Variants in HAS3 observed in about 807,000 individuals in gnomAD.
HAS3 encodes HA synthase 3.
HAS3 carries 27 observed loss-of-function variants against 50.3 expected under a neutral mutation model. The ratio of observed to expected loss-of-function variants is 0.54; its 90% CI spans 0.40 to 0.74. The LOEUF is 0.74. Ranked by LOEUF, HAS3 falls within the 30% of genes least tolerant of loss-of-function variation. The pLI is 0.00. For synonymous variants in HAS3, 339 were observed against 310.9 expected, an observed-to-expected ratio of 1.09 and a Z score of -0.95; for missense variants, 517 against 742.8, an observed-to-expected ratio of 0.70 and a Z score of 3.53.
chr16:69,114,387 G>C lies in HAS3; in HGVS notation c.783G>C (p.Val261=). Residue 261 remains valine (V), a synonymous_variant, in exon 4 of 4, where the codon GTG becomes GTC. Coordinates refer to ENST00000569188, the MANE Select transcript of HAS3 (RefSeq NM_001199280.2). This position sits in a 1 kb window ranked among gnomAD's most constrained non-coding sequence, Gnocchi z 6.4. ...CATGGATTTCCTTCCTGAGCAGCGT[G>C]CGGTACTGGATGGCCTTCAACGTGG... The part of the protein sequence containing the change: ...YDSWISFLSS[V]RYWMAFNVER... 6.2e-7 allele frequency: 1 copy of C among 1,609,754 alleles called. No individual in the cohort carries two copies. Among genetic ancestry groups the C allele is most frequent in the Non-Finnish European group, 8.5e-7 (1 of 1,179,936 alleles).
downstream of HAS3, chr16:69,117,761 C>A (rs1597102944): frequency 2.4e-6 from 1 of 413,618 alleles, no homozygotes; most frequent in Non-Finnish European, 3.3e-6. Context: ...GACTCAAGAC[C>A]TGGGCAATAT....
the HAS3 span, among the ~76,000 whole-genome samples, chr16:69,096,613 ATTT>A: frequency 9.9e-6 from 1 of 101,306 alleles, no homozygotes; most frequent in Admixed American, 1.2e-4. Context: ...CCCAACACCA[ATTT>A]TTTTTTTTTT....
chr16:69,118,708 G>A (rs968435507), downstream of HAS3: 22 of 649,490 alleles, frequency 3.4e-5, no homozygotes, highest in South Asian at 1.8e-4. Flanking sequence ...CAAGAAAAAC[G>A]CAAAGGAAAA....
chr16:69,112,826 C>T (rs1961053549), intron 2 of HAS3, among the ~76,000 whole-genome samples: 1 of 152,214 alleles, frequency 6.6e-6, no homozygotes, highest in African/African-American at 2.4e-5. Flanking sequence ...GCTGCAGCTT[C>T]CATGCCTATT....
Position 69,109,119 on chromosome 16 carries a change from TTGTA to T in HAS3, c.1-273_1-270del, listed in dbSNP as rs1960907474. On this transcript the variant is annotated intron_variant, in intron 1 of 3. Transcript: ENST00000569188. This position sits in a 1 kb window ranked among gnomAD's most constrained non-coding sequence, Gnocchi z 5.3. ...CTACCCCAGTGCTACACTAAGGGCT[TTGTA>T]TGTGTCGCCCATTTAACCCTCAAAG... is the stretch of plus-strand genomic sequence containing the variant. 6.6e-6 allele frequency among the ~76,000 whole-genome samples: 1 copy of T among 152,208 alleles called. No individual in the cohort carries two copies. Among genetic ancestry groups the T allele is most frequent in the Non-Finnish European group, 1.5e-5 (1 of 68,028 alleles).
At chr16:69,096,999 A>G in the HAS3 span, among the ~76,000 whole-genome samples, 2 of 152,050 alleles carry the variant, frequency 1.3e-5, no homozygotes, top group Admixed American at 6.6e-5. Context: ...TCTACAAAAA[A>G]ATACAAAAAG....
the HAS3 span, among the ~76,000 whole-genome samples, chr16:69,096,926 G>A: frequency 6.6e-6 from 1 of 152,016 alleles, no homozygotes; most frequent in Non-Finnish European, 1.5e-5. Context: ...CTAATCTGAG[G>A]TGGGAAGATC....
upstream of HAS3, among the ~76,000 whole-genome samples, chr16:69,104,270 T>C (rs985543963): frequency 6.6e-6 from 1 of 150,930 alleles, no homozygotes; most frequent in Non-Finnish European, 1.5e-5. Flanking sequence ...TTTTTTTTTT[T>C]TTTCTTTTCT....
intron 1 of HAS3, among the ~76,000 whole-genome samples, 189 bp downstream of exon 1, chr16:69,105,976 G>T (rs1353042689): frequency 6.6e-6 from 1 of 152,214 alleles, no homozygotes; most frequent in African/African-American, 2.4e-5. Context: ...GGCCCCACTC[G>T]GGGGACCCAG....
In HAS3 at chr16:69,116,917, C is replaced by T; in HGVS notation, c.*1651C>T. On this transcript the variant is annotated 3_prime_UTR_variant, in exon 4 of 4. Transcript: ENST00000569188. ...GACAAGAGGGCAAGCCTCTAGTGTACCAAGTGCTTCCTACAAAGACGCAAG... is the reference window on the plus strand; with the variant it reads ...GACAAGAGGGCAAGCCTCTAGTGTATCAAGTGCTTCCTACAAAGACGCAAG... 2.0e-6 allele frequency: 2 copies of T among 985,424 alleles called. No individual in the cohort carries two copies. Among genetic ancestry groups the T allele is most frequent in the Non-Finnish European group, 2.4e-6 (2 of 829,934 alleles). The allele number at this position is 985,424 out of a possible 1,614,324, so 61.0% of individuals were successfully genotyped here.
the HAS3 span, among the ~76,000 whole-genome samples, chr16:69,099,930 T>C: frequency 1.4e-4 from 21 of 152,096 alleles, no homozygotes; most frequent in Non-Finnish European, 2.1e-4. Context: ...TGATTTGATA[T>C]TCGGTTATCG....
Position 69,114,975 on chromosome 16 carries a change from C to T in HAS3, c.1371C>T (p.Ala457=), listed in dbSNP as rs774417820. 1.2e-6 allele frequency: 2 copies of T among 1,614,102 alleles called. No individual in the cohort carries two copies. Among genetic ancestry groups the T allele is most frequent in the South Asian group, 2.2e-5 (2 of 91,070 alleles). Residue 457 remains alanine (A), a synonymous_variant, in exon 4 of 4, where the codon GCC becomes GCT. Transcript: ENST00000569188. The surrounding 1 kb of genome is among the most constrained non-coding windows in gnomAD (Gnocchi z 6.4). ...MSSLLPAKIF[A]IATINKSGWG... is the part of the protein sequence containing the mutation. ...GCCTTCTGCCGGCCAAGATCTTTGC[C>T]ATTGCTACCATCAACAAATCTGGCT... is the stretch of plus-strand genomic sequence containing the variant.
At chr16:69,086,315 T>A in the HAS3 span, among the ~76,000 whole-genome samples, 1 of 151,846 alleles carries the variant, frequency 6.6e-6, no homozygotes, top group African/African-American at 2.4e-5. Flanking sequence ...ACCACAGGTG[T>A]GCACTATTGC....
At chr16:69,084,191 G>A in the HAS3 span, 1 of 152,530 alleles carries the variant, frequency 6.6e-6, no homozygotes, top group African/African-American at 2.4e-5. Context: ...ATGCAAAATG[G>A]AATAAAGTTA....
chr16:69,105,038 C>G (rs1960754651), upstream of HAS3, among the ~76,000 whole-genome samples: 1 of 105,158 alleles, frequency 9.5e-6, no homozygotes, highest in Non-Finnish European at 1.7e-5. Flanking sequence ...GACGGAGTCT[C>G]GCTCTGCTGC....
chr16:69,112,576 CTT>C (rs1961043448), intron 2 of HAS3, among the ~76,000 whole-genome samples: 1 of 152,228 alleles, frequency 6.6e-6, no homozygotes, highest in South Asian at 2.1e-4. Flanking sequence ...CTGTGGATCT[CTT>C]TGTTGCTCTC....
At chr16:69,104,877 G>T (rs1320513727), upstream of HAS3, among the ~76,000 whole-genome samples, 5 of 152,060 alleles carry the variant, frequency 3.3e-5, no homozygotes, top group South Asian at 1.0e-3. Flanking sequence ...TAAAACTTGC[G>T]AGAGGAGAAG....
Position 69,116,773 on chromosome 16 carries a change from G to C in HAS3, c.*1507G>C. On this transcript the variant is annotated 3_prime_UTR_variant, in exon 4 of 4. Transcript: ENST00000569188. ...ATCCAGGCTGTTCTCAGCGTTTTGA[G>C]TTTAAAACCTGGGATCCTGACTAAG... 1 of 985,384 alleles carries C rather than the reference G, an allele frequency of 1.0e-6. No individual in the cohort carries two copies. Among genetic ancestry groups the C allele is most frequent in the Non-Finnish European group, 1.2e-6 (1 of 829,914 alleles). 61.0% of individuals were successfully genotyped at this position (985,384 alleles called of 1,614,324 possible).
chr16:69,109,166 C>G lies in HAS3; in HGVS notation c.1-230C>G, dbSNP rs1305850252. Among the ~76,000 whole-genome samples, 1 of 152,218 alleles carries G rather than the reference C, an allele frequency of 6.6e-6. No homozygotes were observed. Among genetic ancestry groups the G allele is most frequent in the Admixed American group, 6.5e-5 (1 of 15,284 alleles). ...CCTCAAAGATGCCTTGAGGTTAGTC[C>G]TGCAACCCACATTTTACAGATGACG... On this transcript the variant is annotated intron_variant, in intron 1 of 3. Transcript: ENST00000569188. This position sits in a 1 kb window ranked among gnomAD's most constrained non-coding sequence, Gnocchi z 5.3.
Sources: gnomAD v4.1 joint callset for allele counts (sites outside exome capture counted in the v4.1 genomes callset) on GRCh38, gnomAD v4.1.1 for gene constraint, Gnocchi (gnomAD v3.1) non-coding constraint, MANE v1.5 for transcripts, NCBI Gene and HGNC (gene_info 2026-07-23, HGNC 2026-07-21) for gene names.